NUP214: variants seen among roughly 807,000 people sequenced by gnomAD.
NUP214 encodes the protein nuclear pore complex protein Nup214.
NUP214 carries 79 observed loss-of-function variants against 196.2 expected under a neutral mutation model. The ratio of observed to expected loss-of-function variants is 0.40; its 90% CI spans 0.34 to 0.49. NUP214 has a LOEUF of 0.49. Ranked by LOEUF, NUP214 falls within the 20% of genes least tolerant of loss-of-function variation. The probability of loss-of-function intolerance (pLI) is 0.58; values close to 1 mark genes in which losing one functional copy is unlikely to be tolerated. For synonymous variants in NUP214, 1,020 were observed against 990.5 expected (o/e 1.03, Z -0.56); for missense variants, 2,468 against 2,539.0 (o/e 0.97, Z 0.60).
At chr9:131,167,624 C>T (rs1172617018) in intron 21 of NUP214, 1 of 152,160 alleles carries the variant, frequency 6.6e-6, no homozygotes, top group East Asian at 1.9e-4. Flanking sequence ...ACATCTTTGC[C>T]AAACTTGATA....
chr9:131,146,387 A>G lies in NUP214; in HGVS notation c.1945+83A>G, dbSNP rs1370826795. 7 of 1,361,160 alleles carry G rather than the reference A, an allele frequency of 5.1e-6. No individual in the cohort carries two copies. The highest frequency in any genetic ancestry group is 2.9e-5 in the African/African-American group (2 of 69,032). 84.3% of individuals were successfully genotyped at this position (1,361,160 alleles called of 1,614,324 possible). A position where few individuals can be genotyped will look rare whatever the true frequency, so the allele number is the denominator to read the frequency against. On this transcript the variant is annotated intron_variant, in intron 13 of 35. Coordinates refer to ENST00000359428, the MANE Select transcript of NUP214 (RefSeq NM_005085.4). This position sits in a 1 kb window ranked among gnomAD's most constrained non-coding sequence, Gnocchi z 4.6. ...TTAAGTGTTAAGAGTCGTAGCTAAC[A>G]TAGTTGGACAAGGTTATTTTTTCTT...
chr9:131,174,758 A>C (rs536848873), intron 22 of NUP214, among the ~76,000 whole-genome samples: 2 of 152,158 alleles, frequency 1.3e-5, no homozygotes, highest in South Asian at 4.1e-4. Flanking sequence ...CTGGCTGCTC[A>C]ACTCACTTCT....
In NUP214 at chr9:131,223,727, A is replaced by ATTTTTTTT. The variant is rs529624907; in HGVS notation, c.5902+815_5902+822dup. 1.7e-3 allele frequency among the ~76,000 whole-genome samples: 26 copies of ATTTTTTTT among 15,658 alleles called. 1 individual carries two copies. The highest frequency in any genetic ancestry group is 3.5e-3 in the African/African-American group (23 of 6,616). 10.3% of individuals were successfully genotyped at this position (15,658 alleles called of 152,430 possible). ...TTTTTTTATTTTTATTTATTTATTT[A>ATTTTTTTT]TTTTTTTTTTTTTTTTTTTTTTTTT... On this transcript the variant is annotated intron_variant, in intron 32 of 35. Coordinates refer to ENST00000359428, the MANE Select transcript of NUP214 (RefSeq NM_005085.4).
At chr9:131,190,674 G>T (rs1588155649) in intron 26 of NUP214, 1 of 518,998 alleles carries the variant, frequency 1.9e-6, no homozygotes, top group Non-Finnish European at 3.4e-6. Context: ...CCCAGAAAAA[G>T]CCTATGGTGT....
intron 6 of NUP214, 27 bp downstream of exon 6, chr9:131,132,686 G>A (rs1023802797): frequency 3.2e-6 from 5 of 1,570,496 alleles, no homozygotes; most frequent in Admixed American, 1.7e-5. Context: ...TTATTGGGCT[G>A]ACCTCTAATG....
intron 32 of NUP214, among the ~76,000 whole-genome samples, chr9:131,223,766 G>A (rs1277525794): frequency 4.7e-3 from 68 of 14,458 alleles, no homozygotes; most frequent in African/African-American, 0.01. Context: ...ACGGAGTCTC[G>A]CTCTGTCGCC....
At chr9:131,162,915 C>A in intron 18 of NUP214, 76 bp from the exon 19 acceptor site, 1 of 1,388,862 alleles carries the variant, frequency 7.2e-7, no homozygotes, top group Non-Finnish European at 1.0e-6. Context: ...CCATTGTAGT[C>A]TTGTTTGTTT....
At chr9:131,222,258 T>C (rs1276677029) in intron 31 of NUP214, among the ~76,000 whole-genome samples, 1 of 152,240 alleles carries the variant, frequency 6.6e-6, no homozygotes, top group Non-Finnish European at 1.5e-5. Flanking sequence ...GCCATAAGCA[T>C]GCTGAACTTG....
At chr9:131,193,686 C>T (rs1216988456) in intron 27 of NUP214, among the ~76,000 whole-genome samples, 2 of 99,274 alleles carry the variant, frequency 2.0e-5, no homozygotes, top group Non-Finnish European at 3.9e-5. Flanking sequence ...GAGTATCACT[C>T]CGTCACCCTG....
rs568393729 is a variant in NUP214, at chr9:131,213,508, A to G, written c.5593-1704A>G. ...CACATTTTAAAAATTAAGCTGAACCATTTGAGGTTTCTGAGCTTTTTCAGG... is the reference window on the plus strand; with the variant it reads ...CACATTTTAAAAATTAAGCTGAACCGTTTGAGGTTTCTGAGCTTTTTCAGG... On this transcript the variant is annotated intron_variant, in intron 30 of 35. Coordinates refer to ENST00000359428, the MANE Select transcript of NUP214 (RefSeq NM_005085.4). 1.6e-4 allele frequency among the ~76,000 whole-genome samples: 25 copies of G among 152,258 alleles called. No individual in the cohort carries two copies. The South Asian group carries it at 5.2e-3, about 32-fold the overall frequency.
chr9:131,175,739 A>G, intron 23 of NUP214, 118 bp downstream of exon 23: 1 of 1,383,724 alleles, frequency 7.2e-7, no homozygotes, highest in South Asian at 1.6e-5. Context: ...AGAAGAGAAG[A>G]TTGATGTGAC....
At chr9:131,156,423 C>T (rs781139543) in intron 17 of NUP214, among the ~76,000 whole-genome samples, 1 of 152,054 alleles carries the variant, frequency 6.6e-6, no homozygotes, top group South Asian at 2.1e-4. Flanking sequence ...TGAGCCACTG[C>T]GCCCGGCTGA....
At chr9:131,159,892 C>G (rs1414167338) in intron 18 of NUP214, among the ~76,000 whole-genome samples, 1 of 151,050 alleles carries the variant, frequency 6.6e-6, no homozygotes, top group Non-Finnish European at 1.5e-5. Context: ...AAAATCTCTA[C>G]AAAACGTTCA....
chr9:131,132,267 C>T lies in NUP214; in HGVS notation c.664-329C>T, dbSNP rs560685875. On this transcript the variant is annotated intron_variant, in intron 5 of 35. Coordinates refer to ENST00000359428, the MANE Select transcript of NUP214 (RefSeq NM_005085.4). ...CCCGAGTAGCTGGGATTACGGCACC[C>T]GCCACCACACCCAGCTATGTATTTT... Among the ~76,000 whole-genome samples, 42 of 151,740 alleles carry T rather than the reference C, an allele frequency of 2.8e-4. 1 individual carries two copies. Among genetic ancestry groups the T allele is most frequent in the Admixed American group, 8.5e-4 (13 of 15,218 alleles).
intron 3 of NUP214, 104 bp downstream of exon 3, chr9:131,128,587 C>G (rs1206152097): frequency 1.5e-5 from 15 of 988,978 alleles, no homozygotes; most frequent in Non-Finnish European, 2.1e-5. Context: ...TGAAGTTTCT[C>G]TCTAGATTAA....
chr9:131,132,520 G>A, intron 5 of NUP214, 76 bp from the exon 6 acceptor site: 3 of 1,260,534 alleles, frequency 2.4e-6, no homozygotes, highest in South Asian at 2.4e-5. Flanking sequence ...CTAAGGAATA[G>A]ATTAGATTTG....
At position 131,192,169 on chromosome 9, in the gene NUP214, CTTTTTTTTTTT is replaced by C. The variant is rs66652901; in HGVS notation, c.3575-23_3575-13del. 68 of 447,478 alleles carry C rather than the reference CTTTTTTTTTTT, an allele frequency of 1.5e-4. No homozygotes were observed. In the East Asian group the frequency reaches 1.9e-3, roughly 13 times the overall value. 27.7% of individuals were successfully genotyped at this position (447,478 alleles called of 1,614,324 possible). On this transcript the variant is annotated intron_variant, in intron 26 of 35. Transcript: ENST00000359428. ...AGTGTTTCTGTCTTTTTGTAATATT[CTTTTTTTTTTT>C]TTTTTTTTTTTTTTTCCATAATTTC... is the stretch of plus-strand genomic sequence containing the variant.
At chr9:131,130,161 T>TTTTTTTTTTTTTTTTTTTTTG (rs1554728091) in intron 4 of NUP214, among the ~76,000 whole-genome samples, 4 of 136,412 alleles carry the variant, frequency 2.9e-5, no homozygotes, top group Non-Finnish European at 6.4e-5. Flanking sequence ...GTTTTTTTTT[T>TTTTTTTTTTTTTTTTTTTTTG]GAGACAGAGT....
Position 131,134,863 on chromosome 9 carries a change from C to G in NUP214, c.832-35C>G, listed in dbSNP as rs756580175. 4 of 1,416,188 alleles carry G rather than the reference C, an allele frequency of 2.8e-6. No individual in the cohort carries two copies. In the East Asian group the frequency reaches 6.8e-5, roughly 24 times the overall value. 87.7% of individuals were successfully genotyped at this position (1,416,188 alleles called of 1,614,324 possible). A position where few individuals can be genotyped will look rare whatever the true frequency, so the allele number is the denominator to read the frequency against. On this transcript the variant is annotated intron_variant, in intron 7 of 35. Coordinates refer to ENST00000359428, the MANE Select transcript of NUP214 (RefSeq NM_005085.4). ...GCTGTGGGATCTGAGAAAAATTGCA[C>G]ATGAGAATTTTTTTTCTTGCTTTGT...
Sources: gnomAD v4.1 joint callset for allele counts (sites outside exome capture counted in the v4.1 genomes callset) on GRCh38, gnomAD v4.1.1 for gene constraint, Gnocchi (gnomAD v3.1) non-coding constraint, MANE v1.5 for transcripts, NCBI Gene and HGNC (gene_info 2026-07-23, HGNC 2026-07-21) for gene names.